Variants in LOC128125822 observed in about 807,000 individuals in gnomAD.
At chr6:63,578,608 CTATT>C in the LOC128125822 span, 18 of 1,508,984 alleles carry the variant, frequency 1.2e-5, no homozygotes, top group African/African-American at 2.9e-5. Flanking sequence ...AAATAAATAT[CTATT>C]TAAGTCATAA....
chr6:63,572,780 C>T, the LOC128125822 span: 3 of 398,252 alleles, frequency 7.5e-6, no homozygotes, highest in African/African-American at 4.1e-5. Flanking sequence ...CCCCCATCCC[C>T]GCTGTCGCCT....
the LOC128125822 span, among the ~76,000 whole-genome samples, chr6:63,574,767 A>T: frequency 6.6e-6 from 1 of 152,240 alleles, no homozygotes; most frequent in East Asian, 1.9e-4. Flanking sequence ...TCATTGGGAA[A>T]GTGTCAGAAT....
At chr6:63,579,991 TA>T in the LOC128125822 span, 1 of 1,182,032 alleles carries the variant, frequency 8.5e-7, no homozygotes, top group African/African-American at 1.5e-5. Flanking sequence ...TGGTTGTCTA[TA>T]AGACACTAAA....
chr6:63,572,755 G>C, the LOC128125822 span: 1 of 398,468 alleles, frequency 2.5e-6, no homozygotes, highest in Non-Finnish European at 4.4e-6. Flanking sequence ...CTCGGGCTGG[G>C]AATCCACGAC....
chr6:63,578,816 C>T, the LOC128125822 span: 3 of 1,307,962 alleles, frequency 2.3e-6, no homozygotes, highest in Non-Finnish European at 3.0e-6. Context: ...CTTTTGAAAA[C>T]ATTTCCATGT....
At chr6:63,578,440 C>A in the LOC128125822 span, 2 of 1,601,488 alleles carry the variant, frequency 1.2e-6, no homozygotes, top group African/African-American at 2.7e-5. Context: ...TATCCAGGAA[C>A]TTAAGAAGTA....
the LOC128125822 span, chr6:63,582,110 C>T: frequency 6.6e-6 from 1 of 151,950 alleles, no homozygotes; most frequent in South Asian, 2.1e-4. Context: ...ACAGGGGCCT[C>T]TGGAGGCCCT....
the LOC128125822 span, chr6:63,582,162 A>G: frequency 3.3e-5 from 5 of 151,938 alleles, no homozygotes; most frequent in African/African-American, 1.2e-4. Flanking sequence ...GTAATCACAA[A>G]TTTTTGGCTA....
At chr6:63,581,727 G>A in the LOC128125822 span, 11 of 152,212 alleles carry the variant, frequency 7.2e-5, no homozygotes, top group South Asian at 2.1e-3. Flanking sequence ...GTAGAGGACA[G>A]CCTTGGTTTG....
At chr6:63,577,736 T>C in the LOC128125822 span, among the ~76,000 whole-genome samples, 1 of 152,116 alleles carries the variant, frequency 6.6e-6, no homozygotes, top group Middle Eastern at 3.4e-3. Flanking sequence ...TTTGTATTTT[T>C]AGATGTAGTT....
At chr6:63,582,276 A>G in the LOC128125822 span, 1 of 152,594 alleles carries the variant, frequency 6.6e-6, no homozygotes, top group East Asian at 1.9e-4. Context: ...ATTACCACAC[A>G]GCCCATAAAA....
the LOC128125822 span, chr6:63,582,009 AC>A: frequency 6.6e-6 from 1 of 152,120 alleles, no homozygotes; most frequent in East Asian, 1.9e-4. Flanking sequence ...GTGATACTCC[AC>A]CTTGTGTTTC....
the LOC128125822 span, among the ~76,000 whole-genome samples, chr6:63,577,392 C>G: frequency 2.0e-5 from 3 of 152,154 alleles, no homozygotes. Flanking sequence ...AAATTCTGTT[C>G]CTTCCTAATG....
chr6:63,576,798 A>G, the LOC128125822 span: 1 of 1,092,156 alleles, frequency 9.2e-7, no homozygotes, highest in Non-Finnish European at 1.4e-6. Flanking sequence ...ATTGAAGTAG[A>G]CTTCAGTTTC....
At chr6:63,576,265 T>C in the LOC128125822 span, among the ~76,000 whole-genome samples, 2 of 152,172 alleles carry the variant, frequency 1.3e-5, no homozygotes, top group Non-Finnish European at 2.9e-5. Flanking sequence ...TGCTGATTGA[T>C]TTAATCTGTA....
the LOC128125822 span, chr6:63,578,543 A>T: frequency 6.2e-7 from 1 of 1,607,642 alleles, no homozygotes; most frequent in Non-Finnish European, 8.5e-7. Flanking sequence ...AGTATTTAAC[A>T]GTTCTTATGG....
the LOC128125822 span, among the ~76,000 whole-genome samples, chr6:63,575,892 A>G: frequency 3.3e-5 from 5 of 152,080 alleles, no homozygotes; most frequent in Non-Finnish European, 7.4e-5. Context: ...AAAAGCATAA[A>G]GTTGGAAAAG....
the LOC128125822 span, chr6:63,578,308 T>G: frequency 5.2e-6 from 6 of 1,155,984 alleles, no homozygotes; most frequent in Non-Finnish European, 6.8e-6. Context: ...CATAAATGGA[T>G]TCTAGCATTC....
chr6:63,582,896 C>G, the LOC128125822 span: 1 of 152,210 alleles, frequency 6.6e-6, no homozygotes, highest in Non-Finnish European at 1.5e-5. Context: ...CCCAGGCATG[C>G]AGTCACATTT....
Sources: allele counts gnomAD v4.1 joint callset (sites outside exome capture counted in the v4.1 genomes callset), GRCh38; gene constraint gnomAD v4.1.1; transcripts MANE v1.5.